The following LHFPL6 variants were observed in gnomAD, a reference collection of about 807,000 sequenced individuals.
LHFPL6 encodes LHFPL tetraspan subfamily member 6, also known as LHFPL tetraspan subfamily member 6 protein.
LHFPL6 carries 9 observed loss-of-function variants against 20.6 expected under a neutral mutation model. The observed-to-expected ratio is 0.44, with a 90% CI of 0.26 to 0.76. The LOEUF is 0.76. Among genes scored for constraint, LHFPL6 ranks in the 30% least tolerant of loss-of-function variants. LHFPL6 has a pLI of 0.20. For synonymous variants in LHFPL6, 105 were observed against 98.7 expected, an observed-to-expected ratio of 1.06 and a Z score of -0.38; for missense variants, 218 against 253.5, an observed-to-expected ratio of 0.86 and a Z score of 0.95.
At chr13:39,490,996 T>C (rs547374805) in intron 2 of LHFPL6, among the ~76,000 whole-genome samples, 11 of 152,302 alleles carry the variant, frequency 7.2e-5, no homozygotes, top group Admixed American at 2.0e-4. Context: ...TGCTATTTAA[T>C]GCACTCAAAT....
At chr13:39,541,277 T>C (rs774784331) in intron 2 of LHFPL6, among the ~76,000 whole-genome samples, 1 of 152,186 alleles carries the variant, frequency 6.6e-6, no homozygotes, top group Non-Finnish European at 1.5e-5. Context: ...AAGACATAGT[T>C]TGAACACCAA....
chr13:39,368,193 T>C (rs1288921943), intron 3 of LHFPL6, among the ~76,000 whole-genome samples: 2 of 151,502 alleles, frequency 1.3e-5, no homozygotes, highest in African/African-American at 4.9e-5. Context: ...TAGCCGGGCA[T>C]TGTTGTGCAT....
At chr13:39,359,622 GAAT>G (rs1414261051) in intron 3 of LHFPL6, among the ~76,000 whole-genome samples, 1 of 152,096 alleles carries the variant, frequency 6.6e-6, no homozygotes, top group Non-Finnish European at 1.5e-5. Flanking sequence ...AGATATTGGG[GAAT>G]ACAAGGAGAA....
At chr13:39,386,215 C>T (rs906679035) in intron 2 of LHFPL6, among the ~76,000 whole-genome samples, 2 of 152,096 alleles carry the variant, frequency 1.3e-5, no homozygotes, top group South Asian at 2.1e-4. Context: ...TTGATGTACA[C>T]GAGTTTTGTC....
At chr13:39,601,721 G>A (rs1012649500) in intron 1 of LHFPL6, among the ~76,000 whole-genome samples, 1 of 152,058 alleles carries the variant, frequency 6.6e-6, no homozygotes, top group Non-Finnish European at 1.5e-5. Flanking sequence ...CTTTCACTGG[G>A]CAATAAACAA....
At chr13:39,560,268 A>C (rs78899280) in intron 2 of LHFPL6, among the ~76,000 whole-genome samples, 2,201 of 152,316 alleles carry the variant, frequency 0.014, 53 homozygotes, top group African/African-American at 0.051. Context: ...CTTTGATGAG[A>C]CAGGATTTAT....
rs1164882005 is a variant in LHFPL6, at chr13:39,585,637, ATATAAG to A, written c.385+15189_385+15194del. ...ATTCATTTATTTCTTTATAAGTAAA[ATATAAG>A]TATAATTTAAAATATCAAATTATTG... is the stretch of plus-strand genomic sequence containing the variant. On this transcript the variant is annotated intron_variant, in intron 2 of 3. Transcript: ENST00000379589. Among the ~76,000 whole-genome samples the A allele has an allele frequency of 2.0e-5, 3 of 152,176 alleles. No individual in the cohort carries two copies. The East Asian group carries it at 5.8e-4, about 29-fold the overall frequency.
rs1318289794 is a variant in LHFPL6, at chr13:39,405,330, T to C, written c.386-26804A>G. ...GCATAAGTCAGCAGCCTTTTGTTTA[T>C]CTGAGTCAGAAAACCAGATTCACTC... On this transcript the variant is annotated intron_variant, in intron 2 of 3. Coordinates refer to ENST00000379589, the MANE Select transcript of LHFPL6 (RefSeq NM_005780.3). Among the ~76,000 whole-genome samples the C allele has an allele frequency of 2.6e-5, 4 of 152,256 alleles. No homozygotes were observed. The East Asian group carries it at 7.7e-4, about 29-fold the overall frequency.
intron 2 of LHFPL6, among the ~76,000 whole-genome samples, chr13:39,456,800 C>CTT (rs779014732): frequency 2.8e-5 from 4 of 143,766 alleles, no homozygotes; most frequent in Non-Finnish European, 4.6e-5. Flanking sequence ...ACAAAGATTT[C>CTT]TTTTTTTTTT....
intron 2 of LHFPL6, among the ~76,000 whole-genome samples, chr13:39,466,008 T>C (rs113376193): frequency 3.5e-4 from 53 of 152,208 alleles, no homozygotes; most frequent in African/African-American, 1.3e-3. Flanking sequence ...AGAACGTTCA[T>C]GGTCTTCCCT....
At chr13:39,509,572 A>AT (rs1264155250) in intron 2 of LHFPL6, among the ~76,000 whole-genome samples, 14 of 152,122 alleles carry the variant, frequency 9.2e-5, no homozygotes, top group African/African-American at 2.4e-4. Context: ...CTTTTAAAAA[A>AT]TTTTTTGGAC....
chr13:39,429,171 G>A (rs1056558988), intron 2 of LHFPL6, among the ~76,000 whole-genome samples: 14 of 150,426 alleles, frequency 9.3e-5, no homozygotes, highest in South Asian at 4.2e-4. Flanking sequence ...TGTTCAAGTC[G>A]TGCATATCCT....
chr13:39,483,678 G>C (rs1025660079), intron 2 of LHFPL6, among the ~76,000 whole-genome samples: 1 of 152,082 alleles, frequency 6.6e-6, no homozygotes, highest in African/African-American at 2.4e-5. Flanking sequence ...CAATTTAGGA[G>C]TTTACAGAAG....
intron 2 of LHFPL6, among the ~76,000 whole-genome samples, chr13:39,559,726 G>A (rs1378766979): frequency 6.6e-6 from 1 of 152,134 alleles, no homozygotes; most frequent in African/African-American, 2.4e-5. Context: ...GTGCCAGGCT[G>A]CAAATGGCCA....
At chr13:39,506,337 G>A (rs1286618224) in intron 2 of LHFPL6, among the ~76,000 whole-genome samples, 1 of 152,140 alleles carries the variant, frequency 6.6e-6, no homozygotes, top group Non-Finnish European at 1.5e-5. Context: ...CTTAACAAGG[G>A]GTGAGGATCC....
intron 2 of LHFPL6, among the ~76,000 whole-genome samples, chr13:39,540,111 T>C (rs1870750309): frequency 6.6e-6 from 1 of 152,132 alleles, no homozygotes; most frequent in Non-Finnish European, 1.5e-5. Flanking sequence ...ATAAATTCTT[T>C]GGAACTGAAG....
At chr13:39,379,508 C>A (rs1042299594) in intron 2 of LHFPL6, among the ~76,000 whole-genome samples, 3 of 152,064 alleles carry the variant, frequency 2.0e-5, no homozygotes, top group Admixed American at 2.0e-4. Context: ...AATATGGTAA[C>A]GTGGAAGAGG....
At chr13:39,430,716 C>T (rs1443003976) in intron 2 of LHFPL6, among the ~76,000 whole-genome samples, 3 of 152,272 alleles carry the variant, frequency 2.0e-5, no homozygotes, top group South Asian at 2.1e-4. Flanking sequence ...ACACATCAAT[C>T]GGCACTCTGT....
rs1868901391 is a variant in LHFPL6 at position 39,490,836 on chromosome 13, C to T, written c.385+109996G>A. 2.6e-5 allele frequency among the ~76,000 whole-genome samples: 4 copies of T among 152,152 alleles called. No individual in the cohort carries two copies. In the South Asian group the frequency reaches 8.3e-4, roughly 32 times the overall value. On this transcript the variant is annotated intron_variant, in intron 2 of 3. Transcript: ENST00000379589. ...TTTCTATTCTTAATGTCACTCTCTT[C>T]CCATTTAATGAACCCTGATTTTCCT...
Sources: allele counts gnomAD v4.1 joint callset (sites outside exome capture counted in the v4.1 genomes callset), GRCh38; gene constraint gnomAD v4.1.1; transcripts MANE v1.5; gene names NCBI Gene and HGNC (gene_info 2026-07-23, HGNC 2026-07-21).